Variants in LMTK2 observed in about 807,000 individuals in gnomAD.
LMTK2 encodes serine/threonine-protein kinase LMTK2.
LMTK2 carries 37 observed loss-of-function variants against 127.5 expected under a neutral mutation model. That is an observed-to-expected ratio of 0.29 (90% confidence interval 0.22 to 0.38). The LOEUF is 0.38. LMTK2 is among the 10% of genes least tolerant of loss of function. The probability of loss-of-function intolerance (pLI) is 1.00; values close to 1 mark genes in which losing one functional copy is unlikely to be tolerated. For missense variants in LMTK2, 1,694 were observed against 1,920.3 expected, an observed-to-expected ratio of 0.88 and a Z score of 2.20; for synonymous variants, 819 against 810.1, an observed-to-expected ratio of 1.01 and a Z score of -0.19.
In LMTK2 at chr7:98,194,370, A is replaced by G. The variant is rs146153527; in HGVS notation, c.3905A>G (p.Asn1302Ser). Residue 1302 changes from asparagine to serine, a missense_variant, in exon 11 of 14, where the codon AAC becomes AGC. Physicochemically the swap from Asn to Ser is conservative, Grantham distance 46 (BLOSUM62 1). Transcript: ENST00000297293. The surrounding 1 kb of genome is among the most constrained non-coding windows in gnomAD (Gnocchi z 5.4). ...TCGGACGAGGACCTGCGGGCCTTCAACCTGCATAGCCTCAGCTCCGAGTCG... is the reference window on the plus strand; with the variant it reads ...TCGGACGAGGACCTGCGGGCCTTCAGCCTGCATAGCCTCAGCTCCGAGTCG... The part of the protein sequence containing the change: ...DDSDEDLRAF[N>S]LHSLSSESED... 2 of 1,614,150 alleles carry G rather than the reference A, an allele frequency of 1.2e-6. No homozygotes were observed. Among genetic ancestry groups the G allele is most frequent in the African/African-American group, 1.3e-5 (1 of 75,030 alleles).
In LMTK2 at chr7:98,193,666, G is replaced by C. The variant is rs1441138828; in HGVS notation, c.3201G>C (p.Leu1067=). Residue 1067 remains leucine, a synonymous_variant, in exon 11 of 14, where the codon CTG becomes CTC. Transcript: ENST00000297293. This position sits in a 1 kb window ranked among gnomAD's most constrained non-coding sequence, Gnocchi z 4.1. ...ATTGDGGHSG[L]PPNPVIVISD... ...CGGGCGATGGCGGCCACAGCGGTCTGCCTCCCAACCCGGTCATTGTCATCT... is the reference window on the plus strand; with the variant it reads ...CGGGCGATGGCGGCCACAGCGGTCTCCCTCCCAACCCGGTCATTGTCATCT... 3 of 1,613,742 alleles carry C rather than the reference G, an allele frequency of 1.9e-6. No individual in the cohort carries two copies. The African/African-American group carries it at 4.0e-5, about 22-fold the overall frequency.
chr7:98,154,861 A>T lies in LMTK2; in HGVS notation c.554A>T (p.Asn185Ile). 1 of 1,599,998 alleles carries T rather than the reference A, an allele frequency of 6.3e-7. No individual in the cohort carries two copies. Among genetic ancestry groups the T allele is most frequent in the Non-Finnish European group, 8.6e-7 (1 of 1,167,072 alleles). ...NPKEQDTFLK[N>I]GEPYYILQHP... ...AAGGAACAAGATACTTTTTTGAAAA[A>T]TGGAGAACCTTACTAGTAAGTAAAC... Residue 185 changes from asparagine (N) to isoleucine (I), a missense_variant, in exon 5 of 14, where the codon AAT (asparagine) becomes ATT (isoleucine). Physicochemically the swap from Asn to Ile is moderately radical, Grantham distance 149. Transcript: ENST00000297293.
chr7:98,144,012 A>G (rs1365064952), intron 3 of LMTK2, among the ~76,000 whole-genome samples: 1 of 152,230 alleles, frequency 6.6e-6, no homozygotes, highest in Non-Finnish European at 1.5e-5. Flanking sequence ...TGAAAAAGAT[A>G]TACCACATAC....
At chr7:98,120,286 G>A (rs1796343250) in intron 1 of LMTK2, among the ~76,000 whole-genome samples, 1 of 151,950 alleles carries the variant, frequency 6.6e-6, no homozygotes. Flanking sequence ...TCCCCCTTCA[G>A]GCTCATATTC....
chr7:98,203,856 C>T (rs907544372), intron 12 of LMTK2, 88 bp from the exon 13 acceptor site: 25 of 1,585,108 alleles, frequency 1.6e-5, no homozygotes, highest in African/African-American at 9.5e-5. Flanking sequence ...CTGTGTCTTC[C>T]GACCTGCAGG....
At chr7:98,155,684 AAATATCCTTCAGGAATGAAGGGG>A (rs1246793087) in intron 5 of LMTK2, among the ~76,000 whole-genome samples, 1 of 152,220 alleles carries the variant, frequency 6.6e-6, no homozygotes, top group Non-Finnish European at 1.5e-5. Context: ...TCTCCAGAGA[AAATATCCTTCAGGAATGAAGGGG>A]AATATCAAGA....
At chr7:98,142,468 C>G (rs1198789745) in intron 3 of LMTK2, among the ~76,000 whole-genome samples, 2 of 151,554 alleles carry the variant, frequency 1.3e-5, no homozygotes, top group Non-Finnish European at 2.9e-5. Context: ...TAACAATACC[C>G]CTACTCCAAC....
chr7:98,140,057 T>C, intron 2 of LMTK2, among the ~76,000 whole-genome samples: 1 of 151,902 alleles, frequency 6.6e-6, no homozygotes, highest in Non-Finnish European at 1.5e-5. Flanking sequence ...CCACCGAACG[T>C]CACGTAAAAG....
intron 9 of LMTK2, among the ~76,000 whole-genome samples, chr7:98,188,540 C>G (rs1031910383): frequency 6.6e-6 from 1 of 152,162 alleles, no homozygotes. Flanking sequence ...CCAAGCAATC[C>G]TCATGCCTTA....
chr7:98,182,557 T>A (rs1417026609), intron 7 of LMTK2, among the ~76,000 whole-genome samples: 1 of 152,246 alleles, frequency 6.6e-6, no homozygotes, highest in Admixed American at 6.5e-5. Flanking sequence ...CCCATTAGGA[T>A]GGCTACTATC....
At chr7:98,148,505 AAATAAT>A (rs902606949) in intron 3 of LMTK2, among the ~76,000 whole-genome samples, 26 of 140,986 alleles carry the variant, frequency 1.8e-4, no homozygotes, top group South Asian at 2.2e-4. Flanking sequence ...AAAAAAAAAA[AAATAAT>A]AATAATAATA....
At chr7:98,159,523 C>G in intron 6 of LMTK2, 98 bp downstream of exon 6, 2 of 780,590 alleles carry the variant, frequency 2.6e-6, no homozygotes, top group Non-Finnish European at 4.5e-6. Flanking sequence ...GCTTTCATGT[C>G]TGTCCCCCAC....
intron 6 of LMTK2, among the ~76,000 whole-genome samples, chr7:98,165,948 G>A (rs565886065): frequency 6.6e-6 from 1 of 152,154 alleles, no homozygotes; most frequent in Admixed American, 6.5e-5. Flanking sequence ...ATGGGTTGAG[G>A]TGTGGGGGTG....
intron 1 of LMTK2, among the ~76,000 whole-genome samples, chr7:98,125,126 A>AC (rs1464762559): frequency 1.2e-4 from 18 of 152,000 alleles, no homozygotes; most frequent in Non-Finnish European, 2.1e-4. Context: ...ACATGGTGAA[A>AC]CCCCATCTCT....
At position 98,203,644 on chromosome 7, in the gene LMTK2, C is replaced by A; in HGVS notation, c.4178C>A (p.Pro1393Gln). The stretch of plus-strand genomic sequence containing the variant: ...GGCCCGGACCTGAGCGGCCCAGCCC[C>A]AGCCTCAGGCTCTCCCTACCTGAGC... ...ACGPDLSGPA[P>Q]ASGSPYLSRC... Residue 1393 changes from proline (P) to glutamine (Q), a missense_variant, in exon 12 of 14, where the codon CCA becomes CAA. By Grantham distance (76) the Pro-to-Gln change is moderately conservative. Around this residue, in one of 8 missense-constraint regions of LMTK2, gnomAD observed 554 missense variants for 567.7 expected, o/e 0.98. Transcript: ENST00000297293. The A allele has an allele frequency of 6.2e-7, 1 of 1,613,794 alleles. No homozygotes were observed.
intron 5 of LMTK2, among the ~76,000 whole-genome samples, chr7:98,156,990 A>G (rs1442842888): frequency 6.6e-6 from 1 of 152,192 alleles, no homozygotes; most frequent in Non-Finnish European, 1.5e-5. Flanking sequence ...CCTCAGGTCT[A>G]TAATCCTAGC....
At chr7:98,151,961 T>C (rs1796863756) in intron 4 of LMTK2, among the ~76,000 whole-genome samples, 1 of 152,168 alleles carries the variant, frequency 6.6e-6, no homozygotes, top group Non-Finnish European at 1.5e-5. Flanking sequence ...ACACAGACAT[T>C]TCGATCATAA....
intron 1 of LMTK2, among the ~76,000 whole-genome samples, chr7:98,109,209 G>C (rs1796163010): frequency 6.6e-6 from 1 of 152,022 alleles, no homozygotes; most frequent in Admixed American, 6.6e-5. Flanking sequence ...CAATTTTATG[G>C]TGTCATGAAT....
Position 98,192,634 on chromosome 7 carries a change from T to A in LMTK2, c.2169T>A (p.Phe723Leu), listed in dbSNP as rs1797549207. The A allele has an allele frequency of 6.2e-7, 1 of 1,612,216 alleles. No individual in the cohort carries two copies. The highest frequency in any genetic ancestry group is 1.3e-5 in the African/African-American group (1 of 74,824). The change falls in exon 11 of 14, where the codon TTT becomes TTA. Residue 723 changes from phenylalanine to leucine, a missense_variant. Physicochemically the swap from Phe to Leu is conservative, Grantham distance 22 (BLOSUM62 0). Around this residue, in one of 8 missense-constraint regions of LMTK2, gnomAD observed 527 missense variants for 539.8 expected, o/e 0.98. Coordinates refer to ENST00000297293, the MANE Select transcript of LMTK2 (RefSeq NM_014916.4). ...ATGTTCAAGAATTGTCAGAAAACTT[T>A]TTATTTCTTCAAGAGAAAAACTTAC... Reference protein sequence around the residue: ...PLNVQELSENFLFLQEKNLLK... With the variant: ...PLNVQELSENLLFLQEKNLLK...
Sources: allele counts gnomAD v4.1 joint callset (sites outside exome capture counted in the v4.1 genomes callset), GRCh38; gene constraint gnomAD v4.1.1; regional missense constraint gnomAD v4.1.1; non-coding constraint Gnocchi (gnomAD v3.1); transcripts MANE v1.5; gene names NCBI Gene and HGNC (gene_info 2026-07-23, HGNC 2026-07-21).